Variants in CADM2 observed in about 807,000 individuals in gnomAD.
CADM2 encodes the protein immunoglobulin superfamily member 4D.
A neutral mutation model predicts 49.8 loss-of-function variants in CADM2; 12 were observed. The ratio of observed to expected loss-of-function variants is 0.24; its 90% CI spans 0.15 to 0.39. CADM2 has a LOEUF of 0.39. Among genes scored for constraint, CADM2 ranks in the 10% least tolerant of loss-of-function variants. The pLI, the probability that CADM2 is intolerant of heterozygous loss-of-function variation, is 1.00. For missense variants in CADM2, 378 were observed against 492.3 expected (o/e 0.77, Z 2.20); for synonymous variants, 214 against 175.4 (o/e 1.22, Z -1.74).
chr3:85,263,713 C>G (rs547326723), intron 1 of CADM2, among the ~76,000 whole-genome samples: 6 of 152,144 alleles, frequency 3.9e-5, no homozygotes, highest in Admixed American at 1.3e-4. Context: ...ACATCAATAT[C>G]AACCTCTTCT....
rs942754396 is a variant in CADM2, at chr3:85,422,355, G to T, written c.62-304167G>T. 3.9e-5 allele frequency among the ~76,000 whole-genome samples: 6 copies of T among 151,970 alleles called. No homozygotes were observed. In the South Asian group the frequency reaches 6.2e-4, roughly 16 times the overall value. On this transcript the variant is annotated intron_variant, in intron 1 of 9. Coordinates refer to ENST00000383699, the MANE Select transcript of CADM2 (RefSeq NM_001167675.2). ...TGCAGTGGTGCAATCTCAGCTCACT[G>T]CAAGCTCCACTTCCCGGGTTCGCAC...
chr3:86,019,471 T>G (rs71316823), intron 8 of CADM2, among the ~76,000 whole-genome samples: 29,035 of 150,366 alleles, frequency 0.19, 2,884 homozygotes, highest in East Asian at 0.26. Flanking sequence ...TCTTGGGCAG[T>G]ATGGCCATTT....
chr3:85,857,634 T>C (rs2075367197), intron 3 of CADM2, among the ~76,000 whole-genome samples: 1 of 152,124 alleles, frequency 6.6e-6, no homozygotes, highest in South Asian at 2.1e-4. Context: ...GCTCACTGTG[T>C]AGGTGTTCTT....
At chr3:86,030,803 T>C (rs1197647781) in intron 8 of CADM2, among the ~76,000 whole-genome samples, 4 of 151,954 alleles carry the variant, frequency 2.6e-5, no homozygotes, top group African/African-American at 9.7e-5. Flanking sequence ...ATAGAATGTA[T>C]ACTAACTTAT....
chr3:85,838,013 C>T (rs760035020), intron 3 of CADM2, among the ~76,000 whole-genome samples: 50 of 151,774 alleles, frequency 3.3e-4, no homozygotes, highest in East Asian at 1.9e-3. Flanking sequence ...ATAAATCAGA[C>T]GAAATATTTG....
chr3:85,693,074 C>G (rs1050352718), intron 1 of CADM2, among the ~76,000 whole-genome samples: 1 of 151,874 alleles, frequency 6.6e-6, no homozygotes, highest in Non-Finnish European at 1.5e-5. Context: ...CATGGTGAAA[C>G]TCCGTCTCTA....
At chr3:85,453,595 G>A (rs1415602966) in intron 1 of CADM2, among the ~76,000 whole-genome samples, 1 of 151,612 alleles carries the variant, frequency 6.6e-6, no homozygotes, top group African/African-American at 2.4e-5. Flanking sequence ...AATTTTTTTT[G>A]TGTGACATCT....
At chr3:85,317,001 G>T (rs2044481041) in intron 1 of CADM2, among the ~76,000 whole-genome samples, 1 of 152,098 alleles carries the variant, frequency 6.6e-6, no homozygotes, top group African/African-American at 2.4e-5. Context: ...CTTTGAGCCA[G>T]TGTAAAATGG....
intron 3 of CADM2, among the ~76,000 whole-genome samples, chr3:85,843,116 G>C (rs1191554510): frequency 1.3e-5 from 2 of 152,070 alleles, no homozygotes; most frequent in Non-Finnish European, 2.9e-5. Flanking sequence ...CTGCCATGGT[G>C]CTTAGATACA....
At chr3:85,049,110 C>T (rs745749714) in intron 1 of CADM2, among the ~76,000 whole-genome samples, 101 of 151,938 alleles carry the variant, frequency 6.6e-4, no homozygotes, top group Non-Finnish European at 7.6e-4. Flanking sequence ...TGATTCATTC[C>T]GATGAGGATA....
chr3:85,444,813 TTTTA>T (rs1418668683), intron 1 of CADM2, among the ~76,000 whole-genome samples: 1 of 152,168 alleles, frequency 6.6e-6, no homozygotes, highest in Non-Finnish European at 1.5e-5. Flanking sequence ...CCTTGAACAC[TTTTA>T]TTTGTTTAAT....
At chr3:85,430,528 A>G (rs1486273033) in intron 1 of CADM2, among the ~76,000 whole-genome samples, 1 of 151,586 alleles carries the variant, frequency 6.6e-6, no homozygotes, top group Non-Finnish European at 1.5e-5. Context: ...AAAAAATAAT[A>G]ATAATATTGG....
intron 5 of CADM2, among the ~76,000 whole-genome samples, chr3:85,908,254 CTTTTTTT>C (rs898710165): frequency 3.5e-4 from 23 of 65,786 alleles, no homozygotes; most frequent in Admixed American, 9.8e-4. Flanking sequence ...TTTTTTTCTT[CTTTTTTT>C]TTTTTTTTTT....
chr3:85,008,910 T>A lies in CADM2; in HGVS notation c.61+49242T>A, dbSNP rs141292747. On this transcript the variant is annotated intron_variant, in intron 1 of 9. Coordinates refer to ENST00000383699, the MANE Select transcript of CADM2 (RefSeq NM_001167675.2). ...CGGATACTAAATGAAATCTTTAGTTTGCATTTTAGAGAAAGCATAGCAAGA... is the reference window on the plus strand; with the variant it reads ...CGGATACTAAATGAAATCTTTAGTTAGCATTTTAGAGAAAGCATAGCAAGA... 2.5e-3 allele frequency among the ~76,000 whole-genome samples: 375 copies of A among 152,320 alleles called. 4 individuals carry two copies. The highest frequency in any genetic ancestry group is 8.4e-3 in the African/African-American group (351 of 41,580).
At position 85,511,134 on chromosome 3, in the gene CADM2, C is replaced by T. The variant is rs541045506; in HGVS notation, c.62-215388C>T. On this transcript the variant is annotated intron_variant, in intron 1 of 9. Transcript: ENST00000383699. Reference sequence around the variant, plus strand: ...GATGTAAACTACCCCGGTTTAAAAGCACACCTCACCCCTAGGAAGGGACCA... The same window carrying T: ...GATGTAAACTACCCCGGTTTAAAAGTACACCTCACCCCTAGGAAGGGACCA... Among the ~76,000 whole-genome samples the T allele has an allele frequency of 2.6e-5, 4 of 152,158 alleles. No homozygotes were observed. The South Asian group carries it at 8.3e-4, about 32-fold the overall frequency.
intron 1 of CADM2, among the ~76,000 whole-genome samples, chr3:85,211,782 C>T (rs1300719648): frequency 6.6e-6 from 1 of 152,092 alleles, no homozygotes; most frequent in African/African-American, 2.4e-5. Context: ...CTGTAAATAT[C>T]TGTTAGGTCT....
intron 1 of CADM2, among the ~76,000 whole-genome samples, chr3:85,549,789 A>ATTTTTTTTTT (rs71617942): frequency 3.0e-5 from 4 of 134,874 alleles, no homozygotes; most frequent in African/African-American, 2.8e-5. Flanking sequence ...ATGCTGGGCT[A>ATTTTTTTTTT]TTTTTTTTTT....
chr3:85,062,907 G>C (rs1200338404), intron 1 of CADM2, among the ~76,000 whole-genome samples: 1 of 151,240 alleles, frequency 6.6e-6, no homozygotes, highest in Non-Finnish European at 1.5e-5. Context: ...TTCATTTGCT[G>C]TGAATCAATT....
At chr3:84,970,522 G>A (rs185467717) in intron 1 of CADM2, among the ~76,000 whole-genome samples, 1 of 151,866 alleles carries the variant, frequency 6.6e-6, no homozygotes. Context: ...ATGTCTTGTG[G>A]ATTTTTGACT....
Sources: gnomAD v4.1 joint callset for allele counts (sites outside exome capture counted in the v4.1 genomes callset) on GRCh38, gnomAD v4.1.1 for gene constraint, MANE v1.5 for transcripts, NCBI Gene and HGNC (gene_info 2026-07-23, HGNC 2026-07-21) for gene names.